RGL1: variants seen among roughly 807,000 people sequenced by gnomAD.
RGL1 encodes the protein ral guanine nucleotide dissociation stimulator-like 1.
RGL1 carries 24 observed loss-of-function variants against 95.2 expected under a neutral mutation model. That is an observed-to-expected ratio of 0.25 (90% confidence interval 0.18 to 0.35). The LOEUF (loss-of-function observed/expected upper bound fraction) is 0.35, where lower values mean the gene tolerates loss of function less well. RGL1 is among the 10% of genes least tolerant of loss of function. The pLI is 1.00. For missense variants in RGL1, 715 were observed against 936.3 expected (o/e 0.76, Z 3.08); for synonymous variants, 329 against 344.9 (o/e 0.95, Z 0.51).
In RGL1 at chr1:183,700,556, T is replaced by TG. The variant is rs1404024073; in HGVS notation, c.-32-41570_-32-41569insG. Among the ~76,000 whole-genome samples the TG allele has an allele frequency of 2.6e-5, 4 of 151,616 alleles. No individual in the cohort carries two copies. The East Asian group carries it at 7.8e-4, about 30-fold the overall frequency. On this transcript the variant is annotated intron_variant, in intron 1 of 18. Coordinates refer to the RGL1 transcript ENST00000304685. ...TATCAACCTGTCATCTAGGTTTGTT[T>TG]TTTTTTTTTGGCAGAGTCTCACTCT...
rs1669672424 is a variant in RGL1 at position 183,927,351 on chromosome 1, T to C, written c.*1059T>C. The C allele has an allele frequency of 6.6e-6, 1 of 152,560 alleles. No individual in the cohort carries two copies. Among genetic ancestry groups the C allele is most frequent in the East Asian group, 1.9e-4 (1 of 5,194 alleles). The allele number at this position is 152,560 out of a possible 1,614,324, so 9.5% of individuals were successfully genotyped here. A position where few individuals can be genotyped will look rare whatever the true frequency, so the allele number is the denominator to read the frequency against. On this transcript the variant is annotated 3_prime_UTR_variant, in exon 18 of 18. Coordinates refer to ENST00000360851, the MANE Select transcript of RGL1 (RefSeq NM_001297671.3). ...TACTGCAATTGACTACGTTTGATTA[T>C]TTTGAGCTTGTGAAAGATTTCTGAA...
At chr1:183,813,849 C>T (rs1442190302) in intron 2 of RGL1, among the ~76,000 whole-genome samples, 3 of 152,184 alleles carry the variant, frequency 2.0e-5, no homozygotes, top group African/African-American at 2.4e-5. Context: ...GAATGCTTCC[C>T]TAGTTTACTG....
chr1:183,841,182 G>T (rs540941351), intron 2 of RGL1, among the ~76,000 whole-genome samples: 1 of 152,272 alleles, frequency 6.6e-6, no homozygotes, highest in South Asian at 2.1e-4. Context: ...ATAAGTAGAT[G>T]AATAAATGGA....
Position 183,843,593 on chromosome 1 carries a change from G to A in RGL1, c.139-3973G>A, listed in dbSNP as rs148249136. ...CACGTCAATACTCGGTGAAAAAATA[G>A]TTCTTTTAAATAATCATCACTTTTG... is the stretch of plus-strand genomic sequence containing the variant. On this transcript the variant is annotated intron_variant, in intron 2 of 17. Transcript: ENST00000360851. 8.2e-3 allele frequency among the ~76,000 whole-genome samples: 1,256 copies of A among 152,282 alleles called. 17 individuals carry two copies. Among genetic ancestry groups the A allele is most frequent in the African/African-American group, 0.029 (1,186 of 41,560 alleles).
chr1:183,886,023 C>T (rs1473484406), intron 7 of RGL1, among the ~76,000 whole-genome samples: 3 of 151,138 alleles, frequency 2.0e-5, no homozygotes, highest in African/African-American at 7.3e-5. Context: ...ATGAAAATAT[C>T]ATATTAATTT....
At chr1:183,846,772 C>T (rs193192836) in intron 2 of RGL1, among the ~76,000 whole-genome samples, 53 of 151,928 alleles carry the variant, frequency 3.5e-4, no homozygotes, top group Non-Finnish European at 5.9e-5. Flanking sequence ...CCCAGCTACT[C>T]GGGAGGCTGA....
At chr1:183,709,485 A>G (rs1455758193) in intron 1 of RGL1, 1 of 152,242 alleles carries the variant, frequency 6.6e-6, no homozygotes, top group Non-Finnish European at 1.5e-5. Flanking sequence ...GGAATAAGCT[A>G]CCCACTGAAT....
intron 2 of RGL1, among the ~76,000 whole-genome samples, chr1:183,772,243 AT>A (rs1006401239): frequency 3.1e-4 from 47 of 152,332 alleles, no homozygotes; most frequent in African/African-American, 1.1e-3. Context: ...CAAGCCGCCT[AT>A]AGATGGCAAA....
At chr1:183,766,782 G>A (rs1470489647) in intron 2 of RGL1, among the ~76,000 whole-genome samples, 2 of 151,914 alleles carry the variant, frequency 1.3e-5, no homozygotes, top group Admixed American at 6.6e-5. Flanking sequence ...AAAGGCTGGT[G>A]TGCTCTATCA....
chr1:183,640,015 T>C (rs1248135432), intron 1 of RGL1, among the ~76,000 whole-genome samples: 1 of 152,066 alleles, frequency 6.6e-6, no homozygotes, highest in Non-Finnish European at 1.5e-5. Flanking sequence ...CTAATTTTTA[T>C]ATTTTTAGTA....
At chr1:183,784,019 G>T (rs1028476974) in intron 2 of RGL1, among the ~76,000 whole-genome samples, 14 of 152,130 alleles carry the variant, frequency 9.2e-5, no homozygotes, top group African/African-American at 3.1e-4. Context: ...AGTTTCAATG[G>T]TGTGGTGGGG....
intron 1 of RGL1, among the ~76,000 whole-genome samples, chr1:183,675,291 T>A: frequency 6.8e-6 from 1 of 147,616 alleles, no homozygotes; most frequent in East Asian, 2.0e-4. Flanking sequence ...CAATTCTATA[T>A]GGTTTTTTTT....
At chr1:183,718,712 C>T (rs1399863992) in intron 1 of RGL1, among the ~76,000 whole-genome samples, 4 of 151,742 alleles carry the variant, frequency 2.6e-5, no homozygotes, top group Admixed American at 6.6e-5. Context: ...GTCAGGAGTT[C>T]GAGACCAGCC....
intron 2 of RGL1, among the ~76,000 whole-genome samples, chr1:183,839,205 A>G (rs1663868252): frequency 6.6e-6 from 1 of 152,154 alleles, no homozygotes; most frequent in Non-Finnish European, 1.5e-5. Flanking sequence ...ATTTTAATTG[A>G]TGTAATTTCT....
intron 16 of RGL1, among the ~76,000 whole-genome samples, chr1:183,917,862 A>C (rs897155308): frequency 5.9e-5 from 9 of 152,348 alleles, no homozygotes; most frequent in Non-Finnish European, 1.2e-4. Context: ...GGATTTGCTC[A>C]TTAAGAAAGT....
At chr1:183,679,679 T>A (rs981386067) in intron 1 of RGL1, among the ~76,000 whole-genome samples, 3 of 152,192 alleles carry the variant, frequency 2.0e-5, no homozygotes, top group African/African-American at 7.2e-5. Flanking sequence ...TAAACATATG[T>A]GTGCATGTGT....
intron 1 of RGL1, among the ~76,000 whole-genome samples, chr1:183,720,045 A>G (rs1655914882): frequency 6.6e-6 from 1 of 152,220 alleles, no homozygotes; most frequent in Admixed American, 6.5e-5. Context: ...AAGTATGATT[A>G]AAGAAACTGG....
intron 16 of RGL1, among the ~76,000 whole-genome samples, chr1:183,922,010 G>C (rs77694052): frequency 0.016 from 2,471 of 152,288 alleles, 71 homozygotes; most frequent in African/African-American, 0.056. Context: ...GTGACTCAGA[G>C]ATTAGGTGAC....
intron 4 of RGL1, among the ~76,000 whole-genome samples, chr1:183,872,835 A>G (rs1010121182): frequency 7.9e-5 from 12 of 152,220 alleles, no homozygotes; most frequent in Admixed American, 5.9e-4. Context: ...TATAACAAAA[A>G]TGGGGAAAAG....
Sources: gnomAD v4.1 joint callset for allele counts (sites outside exome capture counted in the v4.1 genomes callset) on GRCh38, gnomAD v4.1.1 for gene constraint, MANE v1.5 for transcripts, NCBI Gene and HGNC (gene_info 2026-07-23, HGNC 2026-07-21) for gene names.